CCDC86: variants seen among roughly 807,000 people sequenced by gnomAD.
CCDC86 encodes the protein coiled-coil domain-containing protein 86.
CCDC86 carries 28 observed loss-of-function variants against 36.7 expected under a neutral mutation model. The observed-to-expected ratio is 0.76, with a 90% confidence interval of 0.57 to 1.05. The LOEUF is 1.05. CCDC86 is among the 50% of genes least tolerant of loss of function. CCDC86 has a pLI of 0.00. For missense variants in CCDC86, 453 were observed against 470.2 expected, an observed-to-expected ratio of 0.96 and a Z score of 0.34; for synonymous variants, 199 against 203.4, an observed-to-expected ratio of 0.98 and a Z score of 0.18.
intron 1 of CCDC86, among the ~76,000 whole-genome samples, chr11:60,843,370 A>G (rs1351215010): frequency 6.6e-6 from 1 of 152,246 alleles, no homozygotes; most frequent in African/African-American, 2.4e-5. Flanking sequence ...CCTTTCAAAC[A>G]TGGAACAGCA....
chr11:60,846,907 T>TA (rs1369308743), intron 1 of CCDC86, among the ~76,000 whole-genome samples: 74 of 151,896 alleles, frequency 4.9e-4, no homozygotes, highest in African/African-American at 1.7e-3. Context: ...TGAAATATTT[T>TA]AAAGTACATC....
At position 60,842,638 on chromosome 11, in the gene CCDC86, C is replaced by A; in HGVS notation, c.514C>A (p.Pro172Thr). ...EPYPGQQAPG[P>T]EPSQPLLELT... ...TTACCCCGGTCAGCAAGCTCCCGGT[C>A]CGGAGCCCTCTCAGCCACTACTGGA... Residue 172 changes from proline to threonine, a missense_variant, in exon 1 of 4, where the codon CCG becomes ACG. Coordinates refer to ENST00000227520, the MANE Select transcript of CCDC86 (RefSeq NM_024098.4). The A allele has an allele frequency of 6.2e-7, 1 of 1,613,864 alleles. No individual in the cohort carries two copies. Among genetic ancestry groups the A allele is most frequent in the Non-Finnish European group, 8.5e-7 (1 of 1,180,002 alleles).
chr11:60,845,387 C>T (rs1296479887), intron 1 of CCDC86, among the ~76,000 whole-genome samples: 3 of 152,108 alleles, frequency 2.0e-5, no homozygotes, highest in African/African-American at 4.8e-5. Flanking sequence ...CAGACATAGG[C>T]GGGCAGGGGT....
chr11:60,842,205 G>A lies in CCDC86; in HGVS notation c.81G>A (p.Arg27=). The A allele has an allele frequency of 6.2e-7, 1 of 1,613,346 alleles. No individual in the cohort carries two copies. Among genetic ancestry groups the A allele is most frequent in the Non-Finnish European group, 8.5e-7 (1 of 1,179,864 alleles). ...ESPESLTSVS[R]TRRALVEFES... is the part of the protein sequence containing the mutation. Reference sequence around the variant, plus strand: ...CCGAGAGCCTCACCTCAGTTTCGCGGACGAGACGGGCCCTTGTGGAGTTCG... The same window carrying A: ...CCGAGAGCCTCACCTCAGTTTCGCGAACGAGACGGGCCCTTGTGGAGTTCG... Residue 27 remains arginine, a synonymous_variant, in exon 1 of 4, where the codon CGG becomes CGA. Transcript: ENST00000227520.
intron 1 of CCDC86, among the ~76,000 whole-genome samples, chr11:60,844,108 G>A (rs577718598): frequency 6.6e-5 from 10 of 152,304 alleles, no homozygotes; most frequent in African/African-American, 2.2e-4. Flanking sequence ...AGGGTGATGA[G>A]CAAGTTGAGC....
chr11:60,849,953 G>A lies in CCDC86; in HGVS notation c.902G>A (p.Arg301His), dbSNP rs148437608. 270 of 1,614,058 alleles carry A rather than the reference G, an allele frequency of 1.7e-4. 1 individual carries two copies. Among genetic ancestry groups the A allele is most frequent in the South Asian group, 6.0e-4 (55 of 91,050 alleles). ...CACATGTTCCAGGAGAAGAAACAGC[G>A]CCGGGCTGAGAACCTGAAACGCCGC... ...KERRRQEKKQ[R>H]RAENLKRRLE... Residue 301 changes from arginine (R) to histidine (H), a missense_variant, in exon 3 of 4, where the codon CGC becomes CAC. Coordinates refer to ENST00000227520, the MANE Select transcript of CCDC86 (RefSeq NM_024098.4).
intron 1 of CCDC86, among the ~76,000 whole-genome samples, chr11:60,846,717 G>A (rs1242641038): frequency 2.0e-5 from 3 of 152,038 alleles, no homozygotes; most frequent in Non-Finnish European, 4.4e-5. Flanking sequence ...TGGGATTACA[G>A]GTGTGTGCCA....
At chr11:60,848,447 G>A (rs1313015079) in intron 2 of CCDC86, among the ~76,000 whole-genome samples, 2 of 152,052 alleles carry the variant, frequency 1.3e-5, no homozygotes, top group African/African-American at 4.8e-5. Context: ...TGAACTCCAT[G>A]TCCCCGGTAT....
At chr11:60,846,632 T>C (rs1048898034) in intron 1 of CCDC86, among the ~76,000 whole-genome samples, 2 of 152,142 alleles carry the variant, frequency 1.3e-5, no homozygotes, top group Non-Finnish European at 2.9e-5. Context: ...CAGAGTGCAA[T>C]GGAGCAATCT....
chr11:60,842,634 C>T lies in CCDC86; in HGVS notation c.510C>T (p.Pro170=), dbSNP rs753825207. The T allele has an allele frequency of 5.0e-6, 8 of 1,613,790 alleles. No individual in the cohort carries two copies. The Admixed American group carries it at 5.0e-5, about 10-fold the overall frequency. ...AGCCTTACCCCGGTCAGCAAGCTCC[C>T]GGTCCGGAGCCCTCTCAGCCACTAC... is the stretch of plus-strand genomic sequence containing the variant. The part of the protein sequence containing the change: ...SPEPYPGQQA[P]GPEPSQPLLE... The change falls in exon 1 of 4, where the codon CCC becomes CCT. Residue 170 remains proline, a synonymous_variant. Transcript: ENST00000227520.
chr11:60,849,149 C>T (rs1855221867), intron 2 of CCDC86, among the ~76,000 whole-genome samples: 3 of 152,204 alleles, frequency 2.0e-5, no homozygotes, highest in African/African-American at 2.4e-5. Flanking sequence ...TTGGAGCTGA[C>T]GTCCCCACCC....
chr11:60,849,861 G>T (rs543417515), intron 2 of CCDC86, 79 bp from the exon 3 acceptor site: 4 of 1,232,122 alleles, frequency 3.2e-6, no homozygotes. Context: ...AATTCTGCCC[G>T]CTCGCACTCT....
Position 60,850,361 on chromosome 11 carries a change from C to A in CCDC86, c.*36C>A, listed in dbSNP as rs530963. 0.59 allele frequency: 951,339 copies of A among 1,606,130 alleles called. 286,406 individuals carry two copies. Among genetic ancestry groups the A allele is most frequent in the East Asian group, 0.93 (41,332 of 44,668 alleles). On this transcript the variant is annotated 3_prime_UTR_variant, in exon 4 of 4. Coordinates refer to ENST00000227520, the MANE Select transcript of CCDC86 (RefSeq NM_024098.4). ...GCCCGAGGCCTTCCATGGCCAACAA[C>A]CATGTCAGACACAGCACCTCAGGCC... is the stretch of plus-strand genomic sequence containing the variant.
intron 1 of CCDC86, among the ~76,000 whole-genome samples, chr11:60,847,232 C>T (rs1202067333): frequency 6.6e-6 from 1 of 152,090 alleles, no homozygotes; most frequent in African/African-American, 2.4e-5. Flanking sequence ...TATAGGCATA[C>T]ACCATCACAC....
At chr11:60,843,252 A>T (rs1394500662) in intron 1 of CCDC86, among the ~76,000 whole-genome samples, 1 of 152,356 alleles carries the variant, frequency 6.6e-6, no homozygotes, top group East Asian at 1.9e-4. Flanking sequence ...TCTTCATCCA[A>T]TATAGTCTAT....
intron 1 of CCDC86, among the ~76,000 whole-genome samples, chr11:60,846,597 G>T (rs1439745241): frequency 2.7e-5 from 4 of 150,888 alleles, no homozygotes; most frequent in Admixed American, 2.6e-4. Flanking sequence ...GTTTTGAGAC[G>T]GAGTTTCATT....
intron 1 of CCDC86, among the ~76,000 whole-genome samples, chr11:60,846,651 C>T (rs936484292): frequency 4.6e-5 from 7 of 151,412 alleles, no homozygotes; most frequent in Non-Finnish European, 7.4e-5. Flanking sequence ...CTCGGCTCAC[C>T]GCAACCTCCG....
At chr11:60,847,220 A>G (rs560429251) in intron 1 of CCDC86, among the ~76,000 whole-genome samples, 1 of 152,310 alleles carries the variant, frequency 6.6e-6, no homozygotes, top group African/African-American at 2.4e-5. Flanking sequence ...AGTAGCTGGG[A>G]CTATAGGCAT....
rs990584985 is a variant in CCDC86 at position 60,850,278 on chromosome 11, G to T, written c.1036G>T (p.Ala346Ser). The T allele has an allele frequency of 6.2e-7, 1 of 1,614,178 alleles. No individual in the cohort carries two copies. Among genetic ancestry groups the T allele is most frequent in the Non-Finnish European group, 8.5e-7 (1 of 1,180,004 alleles). ...LRSIEKRDTL[A>S]LLQKQPPQQP... is the part of the protein sequence containing the mutation. Reference sequence around the variant, plus strand: ...CTCCATTGAGAAGCGGGACACCCTGGCCCTGCTGCAGAAGCAGCCGCCCCA... The same window carrying T: ...CTCCATTGAGAAGCGGGACACCCTGTCCCTGCTGCAGAAGCAGCCGCCCCA... The change falls in exon 4 of 4, where the codon GCC becomes TCC. Residue 346 changes from alanine (A) to serine (S), a missense_variant. Physicochemically the swap from Ala to Ser is moderately conservative, Grantham distance 99 (BLOSUM62 1). Coordinates refer to ENST00000227520, the MANE Select transcript of CCDC86 (RefSeq NM_024098.4).
Sources: allele counts gnomAD v4.1 joint callset (sites outside exome capture counted in the v4.1 genomes callset), GRCh38; gene constraint gnomAD v4.1.1; transcripts MANE v1.5; gene names NCBI Gene and HGNC (gene_info 2026-07-23, HGNC 2026-07-21).